PKHD1: variants seen among roughly 807,000 people sequenced by gnomAD.
PKHD1 encodes fibrocystin.
A neutral mutation model predicts 412.0 loss-of-function variants in PKHD1; 291 were observed. That is an observed-to-expected ratio of 0.71 (90% confidence interval 0.64 to 0.78). PKHD1 has a LOEUF of 0.78. Ranked by LOEUF, PKHD1 falls within the 30% of genes least tolerant of loss-of-function variation. The pLI is 0.00. For synonymous variants in PKHD1, 1,777 were observed against 1,821.5 expected, an observed-to-expected ratio of 0.98 and a Z score of 0.62; for missense variants, 4,825 against 4,950.7, an observed-to-expected ratio of 0.97 and a Z score of 0.76.
chr6:51,938,554 A>T (rs1358898395), intron 36 of PKHD1, among the ~76,000 whole-genome samples: 1 of 134,788 alleles, frequency 7.4e-6, no homozygotes, highest in Non-Finnish European at 1.5e-5. Context: ...CCCAAATCTT[A>T]TAAGATGGCC....
chr6:51,643,598 G>A (rs1033593879), intron 63 of PKHD1, among the ~76,000 whole-genome samples: 1 of 152,198 alleles, frequency 6.6e-6, no homozygotes, highest in Non-Finnish European at 1.5e-5. Flanking sequence ...AGGAGAGCAA[G>A]ACCTCAAAGT....
chr6:51,958,338 C>T (rs1791466836), intron 36 of PKHD1, among the ~76,000 whole-genome samples: 2 of 152,028 alleles, frequency 1.3e-5, no homozygotes, highest in South Asian at 2.1e-4. Context: ...GAAATATTAC[C>T]TAAACCAGAA....
chr6:51,870,591 G>T lies in PKHD1; in HGVS notation c.7399C>A (p.Leu2467Met). ...ACAAAGGTTGTGTTAGACACCATCA[G>T]TTCCCATCTTTTAGGAGTTTTAATC... Reference protein sequence around the residue: ...SGIKTPKRWELMVSNTTFVNF... With the variant: ...SGIKTPKRWEMMVSNTTFVNF... Residue 2467 changes from leucine (L) to methionine (M), a missense_variant, in exon 47 of 67, where the codon CTG (leucine) becomes ATG (methionine). Physicochemically the swap from Leu to Met is conservative, Grantham distance 15. Transcript: ENST00000371117. 1.2e-6 allele frequency: 2 copies of T among 1,607,490 alleles called. No homozygotes were observed. The highest frequency in any genetic ancestry group is 1.7e-6 in the Non-Finnish European group (2 of 1,174,032).
intron 60 of PKHD1, among the ~76,000 whole-genome samples, chr6:51,691,948 C>T (rs563704379): frequency 6.6e-6 from 1 of 152,086 alleles, no homozygotes; most frequent in Non-Finnish European, 1.5e-5. Flanking sequence ...TCATTTCTTA[C>T]GAACCCTCCA....
chr6:51,905,335 G>T (rs777231500), intron 41 of PKHD1, among the ~76,000 whole-genome samples: 2 of 152,106 alleles, frequency 1.3e-5, no homozygotes, highest in East Asian at 1.9e-4. Context: ...AAATCCGGTG[G>T]TATAAAGACA....
rs146131438 is a variant in PKHD1, at chr6:52,051,397, T to C, written c.2141-1102A>G. Reference sequence around the variant, plus strand: ...TATAAAATTGAGATCAGATAAATGATATACAATTAACTATGAATATTGAGC... The same window carrying C: ...TATAAAATTGAGATCAGATAAATGACATACAATTAACTATGAATATTGAGC... On this transcript the variant is annotated intron_variant, in intron 21 of 66. Coordinates refer to ENST00000371117, the MANE Select transcript of PKHD1 (RefSeq NM_138694.4). 1.8e-4 allele frequency among the ~76,000 whole-genome samples: 28 copies of C among 152,356 alleles called. No homozygotes were observed. The East Asian group carries it at 4.6e-3, about 25-fold the overall frequency.
intron 48 of PKHD1, among the ~76,000 whole-genome samples, chr6:51,860,855 A>G (rs1774069099): frequency 6.6e-6 from 1 of 152,048 alleles, no homozygotes; most frequent in South Asian, 2.1e-4. Context: ...CTTGTTGCCC[A>G]GGCTGGAGCA....
intron 52 of PKHD1, among the ~76,000 whole-genome samples, chr6:51,792,441 G>T (rs1178778793): frequency 6.6e-6 from 1 of 152,192 alleles, no homozygotes; most frequent in South Asian, 2.1e-4. Context: ...AAATTAACTT[G>T]TCATGAGTTG....
chr6:52,083,461 G>T (rs1399679795), intron 2 of PKHD1, among the ~76,000 whole-genome samples: 1 of 152,350 alleles, frequency 6.6e-6, no homozygotes, highest in South Asian at 2.1e-4. Context: ...GGTGCTGCTG[G>T]TGTGGGAAAC....
intron 48 of PKHD1, among the ~76,000 whole-genome samples, chr6:51,865,984 A>T (rs1425414803): frequency 6.6e-6 from 1 of 151,930 alleles, no homozygotes; most frequent in Non-Finnish European, 1.5e-5. Context: ...TCACCTGGGC[A>T]TTGTAATTCA....
intron 18 of PKHD1, among the ~76,000 whole-genome samples, chr6:52,056,366 G>A (rs1443651964): frequency 6.6e-6 from 1 of 152,118 alleles, no homozygotes; most frequent in African/African-American, 2.4e-5. Flanking sequence ...GATGTAATCT[G>A]AAGATTAGCA....
chr6:52,017,414 T>C lies in PKHD1; in HGVS notation c.5596A>G (p.Ile1866Val), dbSNP rs369278032. The C allele has an allele frequency of 1.9e-6, 3 of 1,608,506 alleles. No homozygotes were observed. Among genetic ancestry groups the C allele is most frequent in the African/African-American group, 2.7e-5 (2 of 74,758 alleles). The part of the protein sequence containing the change: ...SMFPSFSGLF[I>V]SPKLERDEVL... ...GGAGGGAGAAGGTAAAGTTACCTGA[T>C]AAAGAGGCCCGAGAATGATGGAAAC... Residue 1866 changes from isoleucine to valine, a missense_variant, in exon 34 of 67, where the codon ATC becomes GTC. Physicochemically the swap from Ile to Val is conservative, Grantham distance 29 (BLOSUM62 3). Transcript: ENST00000371117.
In PKHD1 at chr6:51,956,681, G is replaced by C. The variant is rs199598149; in HGVS notation, c.5908+3189C>G. Among the ~76,000 whole-genome samples the C allele has an allele frequency of 2.0e-5, 3 of 152,026 alleles. No homozygotes were observed. The East Asian group carries it at 5.8e-4, about 29-fold the overall frequency. On this transcript the variant is annotated intron_variant, in intron 36 of 66. Transcript: ENST00000371117. ...ATCAAAGGATAAAGAGTCCTGGGGG[G>C]TGGCTGTAATTTTAGAAATGATGGC...
chr6:51,745,499 T>C (rs1415360056), intron 59 of PKHD1, among the ~76,000 whole-genome samples: 1 of 152,116 alleles, frequency 6.6e-6, no homozygotes, highest in Non-Finnish European at 1.5e-5. Flanking sequence ...CAGACGCCTA[T>C]TATGCCAGTG....
chr6:51,989,344 A>C (rs1007931393), intron 35 of PKHD1, among the ~76,000 whole-genome samples: 2 of 152,256 alleles, frequency 1.3e-5, no homozygotes, highest in African/African-American at 2.4e-5. Context: ...GAGCCAATTA[A>C]AGTTTCTATT....
At position 51,738,018 on chromosome 6, in the gene PKHD1, T is replaced by C. The variant is rs189082557; in HGVS notation, c.10156+6367A>G. Among the ~76,000 whole-genome samples, 5 of 152,362 alleles carry C rather than the reference T, an allele frequency of 3.3e-5. No individual in the cohort carries two copies. The East Asian group carries it at 9.6e-4, about 29-fold the overall frequency. On this transcript the variant is annotated intron_variant, in intron 60 of 66. Coordinates refer to ENST00000371117, the MANE Select transcript of PKHD1 (RefSeq NM_138694.4). ...AACTATAAGCCCCACGTTTACTTATTAGACTCAACAGACATAAAATTACTC... is the reference window on the plus strand; with the variant it reads ...AACTATAAGCCCCACGTTTACTTATCAGACTCAACAGACATAAAATTACTC...
At chr6:52,074,652 C>T (rs966463383) in intron 6 of PKHD1, among the ~76,000 whole-genome samples, 2 of 152,120 alleles carry the variant, frequency 1.3e-5, no homozygotes, top group Admixed American at 6.5e-5. Flanking sequence ...AATGGCCACA[C>T]CAGAGCACGG....
chr6:51,857,949 A>G (rs957250215), intron 48 of PKHD1, among the ~76,000 whole-genome samples: 5 of 152,220 alleles, frequency 3.3e-5, no homozygotes, highest in African/African-American at 7.2e-5. Context: ...CTGAACCTTT[A>G]GAAATCTTGT....
Position 51,830,947 on chromosome 6 carries a change from G to A in PKHD1, c.8216C>T (p.Pro2739Leu). The A allele has an allele frequency of 6.2e-7, 1 of 1,612,294 alleles. No homozygotes were observed. The highest frequency in any genetic ancestry group is 8.5e-7 in the Non-Finnish European group (1 of 1,178,652). The change falls in exon 52 of 67, where the codon CCT becomes CTT. Residue 2739 changes from proline (P) to leucine (L), a missense_variant. By Grantham distance (98) the Pro-to-Leu change is moderately conservative. Coordinates refer to ENST00000371117, the MANE Select transcript of PKHD1 (RefSeq NM_138694.4). ...TTCTTCAACACCTTGCCATGTTTCA[G>A]GGAGGGACCATTTTAAAGCTGATTC... ...APESALKWSLPETWQGVEEGW... is the reference protein window; with the variant it reads ...APESALKWSLLETWQGVEEGW...
Sources: allele counts gnomAD v4.1 joint callset (sites outside exome capture counted in the v4.1 genomes callset), GRCh38; gene constraint gnomAD v4.1.1; transcripts MANE v1.5; gene names NCBI Gene and HGNC (gene_info 2026-07-23, HGNC 2026-07-21).